PDS5B: variants seen among roughly 807,000 people sequenced by gnomAD.
PDS5B encodes sister chromatid cohesion protein PDS5 homolog B.
Under a neutral mutation model 184.1 loss-of-function variants are expected in PDS5B, and 51 were observed. The observed-to-expected ratio is 0.28, with a 90% CI of 0.22 to 0.35. PDS5B has a LOEUF of 0.35. PDS5B is among the 10% of genes least tolerant of loss of function. PDS5B has a pLI of 1.00. For missense variants in PDS5B, 1,180 were observed against 1,723.3 expected (o/e 0.68, Z 5.58); for synonymous variants, 566 against 569.2 (o/e 0.99, Z 0.08).
intron 17 of PDS5B, among the ~76,000 whole-genome samples, chr13:32,702,202 G>T (rs916157906): frequency 3.3e-5 from 5 of 152,066 alleles, no homozygotes; most frequent in African/African-American, 7.2e-5. Flanking sequence ...GAGATGTTTT[G>T]TTGGGGAAGG....
rs755496373 is a variant in PDS5B, at chr13:32,735,220, C to T, written c.2296C>T (p.Pro766Ser). ...DPSNLEHLIT[P>S]LVTIGHIALL... Reference sequence around the variant, plus strand: ...AAGCAACCTGGAACATCTCATAACACCATTGGTTACTATTGGTCATATTGC... The same window carrying T: ...AAGCAACCTGGAACATCTCATAACATCATTGGTTACTATTGGTCATATTGC... Residue 766 changes from proline (P) to serine (S), a missense_variant, in exon 21 of 35, where the codon CCA becomes TCA. Pro to Ser is a moderately conservative substitution (Grantham distance 74). Transcript: ENST00000315596. 1.2e-6 allele frequency: 2 copies of T among 1,611,886 alleles called. No individual in the cohort carries two copies. Among genetic ancestry groups the T allele is most frequent in the East Asian group, 4.5e-5 (2 of 44,786 alleles).
intron 1 of PDS5B, among the ~76,000 whole-genome samples, chr13:32,586,889 A>G (rs201695182): frequency 3.9e-5 from 5 of 128,302 alleles, no homozygotes; most frequent in Admixed American, 2.3e-4. Context: ...CCTCTGGAAA[A>G]TTAAACTTGC....
intron 1 of PDS5B, among the ~76,000 whole-genome samples, chr13:32,591,159 C>T (rs532367169): frequency 6.6e-5 from 10 of 151,898 alleles, no homozygotes; most frequent in Non-Finnish European, 1.0e-4. Flanking sequence ...GATGGAGTCT[C>T]GCTCCGTTGC....
rs1375339931 is a variant in PDS5B at position 32,777,661 on chromosome 13, C to T, written c.*2609C>T. ...TCCTCAGTGAGGTTATCTTGCTGCA[C>T]TCTGTAGCAAATTTGTTTAATCTAC... On this transcript the variant is annotated 3_prime_UTR_variant, in exon 35 of 35. Coordinates refer to ENST00000315596, the MANE Select transcript of PDS5B (RefSeq NM_015032.4). 1 of 152,324 alleles carries T rather than the reference C, an allele frequency of 6.6e-6. No individual in the cohort carries two copies. The highest frequency in any genetic ancestry group is 1.5e-5 in the Non-Finnish European group (1 of 67,822). 9.4% of individuals were successfully genotyped at this position (152,324 alleles called of 1,614,324 possible). A position where few individuals can be genotyped will look rare whatever the true frequency, so the allele number is the denominator to read the frequency against.
chr13:32,760,676 A>G lies in PDS5B; in HGVS notation c.3474A>G (p.Ala1158=), dbSNP rs550280843. 1 of 1,614,116 alleles carries G rather than the reference A, an allele frequency of 6.2e-7. No individual in the cohort carries two copies. The highest frequency in any genetic ancestry group is 1.7e-5 in the Admixed American group (1 of 60,016). ...KSSRMETVSN[A]SSSSNPSSPG... The stretch of plus-strand genomic sequence containing the variant: ...CACGAATGGAAACTGTAAGCAATGC[A>G]AGCAGCAGCTCAAATCCAAGCTCTC... The change falls in exon 30 of 35, where the codon GCA becomes GCG. Residue 1158 remains alanine, a synonymous_variant. Coordinates refer to ENST00000315596, the MANE Select transcript of PDS5B (RefSeq NM_015032.4).
chr13:32,692,703 A>G (rs140268907), intron 13 of PDS5B, among the ~76,000 whole-genome samples: 35 of 152,108 alleles, frequency 2.3e-4, no homozygotes, highest in Non-Finnish European at 3.1e-4. Context: ...AATTCAGACT[A>G]ATATTAAATA....
chr13:32,677,659 A>G (rs1015120860), intron 9 of PDS5B, among the ~76,000 whole-genome samples: 1 of 151,972 alleles, frequency 6.6e-6, no homozygotes, highest in East Asian at 1.9e-4. Flanking sequence ...GAGGGGAGGT[A>G]TACTTCATAG....
rs538901232 is a variant in PDS5B at position 32,674,703 on chromosome 13, G to C, written c.847-1141G>C. 2.0e-5 allele frequency among the ~76,000 whole-genome samples: 3 copies of C among 151,614 alleles called. No homozygotes were observed. In the East Asian group the frequency reaches 5.8e-4, roughly 29 times the overall value. On this transcript the variant is annotated intron_variant, in intron 8 of 34. Transcript: ENST00000315596. ...AAGTGTCATAAGAGATACAAACAGC[G>C]TACAATTGAAGCAAAGGAAACAGCA...
chr13:32,692,279 A>G lies in PDS5B; in HGVS notation c.1470-1944A>G, dbSNP rs1046301314. 5.9e-5 allele frequency among the ~76,000 whole-genome samples: 9 copies of G among 152,144 alleles called. No individual in the cohort carries two copies. In the South Asian group the frequency reaches 1.9e-3, roughly 31 times the overall value. ...CCTAAGTAAACTAAATATCTTGATT[A>G]TTGAAAAAGAGAACAGTGTGTACTT... On this transcript the variant is annotated intron_variant, in intron 13 of 34. Coordinates refer to ENST00000315596, the MANE Select transcript of PDS5B (RefSeq NM_015032.4).
At chr13:32,759,815 A>G (rs1593626684) in intron 29 of PDS5B, 125 bp downstream of exon 29, 1 of 550,200 alleles carries the variant, frequency 1.8e-6, no homozygotes, top group East Asian at 3.0e-5. Context: ...ATAAGAATTA[A>G]CGATCTTACA....
At chr13:32,676,747 C>T (rs1419308023) in intron 9 of PDS5B, among the ~76,000 whole-genome samples, 8 of 151,846 alleles carry the variant, frequency 5.3e-5, no homozygotes, top group South Asian at 4.2e-4. Context: ...CTGGCTAACA[C>T]GGTGAAACCC....
intron 1 of PDS5B, among the ~76,000 whole-genome samples, chr13:32,620,933 C>A (rs1050863300): frequency 6.6e-6 from 1 of 152,192 alleles, no homozygotes; most frequent in Admixed American, 6.5e-5. Flanking sequence ...GTAAACCAAG[C>A]TTGGTTGGGA....
At chr13:32,748,294 T>G (rs1307480423) in intron 24 of PDS5B, among the ~76,000 whole-genome samples, 2 of 152,168 alleles carry the variant, frequency 1.3e-5, no homozygotes, top group Non-Finnish European at 2.9e-5. Flanking sequence ...TTTTGTCATT[T>G]GCCTTTGTTG....
chr13:32,744,407 G>A (rs772054906), intron 23 of PDS5B, among the ~76,000 whole-genome samples: 1 of 152,124 alleles, frequency 6.6e-6, no homozygotes, highest in Non-Finnish European at 1.5e-5. Context: ...GGAGTTGGTA[G>A]GTGGGGGTCT....
chr13:32,643,508 A>G (rs1220117432), intron 1 of PDS5B, among the ~76,000 whole-genome samples: 1 of 152,036 alleles, frequency 6.6e-6, no homozygotes, highest in Non-Finnish European at 1.5e-5. Context: ...TGTTATCGCT[A>G]CCACTTTTTT....
intron 23 of PDS5B, among the ~76,000 whole-genome samples, chr13:32,744,507 G>A (rs1159864404): frequency 6.6e-6 from 1 of 152,010 alleles, no homozygotes; most frequent in Non-Finnish European, 1.5e-5. Flanking sequence ...GTAAGATTTG[G>A]TTTCAAGAAA....
chr13:32,599,490 T>A (rs759279725), intron 1 of PDS5B, among the ~76,000 whole-genome samples: 15 of 151,920 alleles, frequency 9.9e-5, no homozygotes, highest in Admixed American at 3.9e-4. Flanking sequence ...GGTCTTGAAC[T>A]CCTGACCTTG....
At chr13:32,724,386 A>T (rs1395240927) in intron 19 of PDS5B, among the ~76,000 whole-genome samples, 1 of 152,018 alleles carries the variant, frequency 6.6e-6, no homozygotes, top group Non-Finnish European at 1.5e-5. Flanking sequence ...TGTTTGTTTG[A>T]TTCAGGATGC....
intron 11 of PDS5B, 26 bp downstream of exon 11, chr13:32,684,049 TAA>T (rs747946590): frequency 3.0e-5 from 36 of 1,196,294 alleles, no homozygotes; most frequent in African/African-American, 7.7e-5. Context: ...TAATTATTAC[TAA>T]GTTTTCATTT....
Sources: gnomAD v4.1 joint callset for allele counts (sites outside exome capture counted in the v4.1 genomes callset) on GRCh38, gnomAD v4.1.1 for gene constraint, MANE v1.5 for transcripts, NCBI Gene and HGNC (gene_info 2026-07-23, HGNC 2026-07-21) for gene names.